SMURF2: variants seen among roughly 807,000 people sequenced by gnomAD.
The protein encoded by SMURF2 is E3 ubiquitin-protein ligase SMURF2.
A neutral mutation model predicts 109.6 loss-of-function variants in SMURF2; 48 were observed. That is an observed-to-expected ratio of 0.44 (90% CI 0.35 to 0.56). The LOEUF (loss-of-function observed/expected upper bound fraction) is 0.56. Among genes scored for constraint, SMURF2 ranks in the 20% least tolerant of loss-of-function variants. The probability of loss-of-function intolerance (pLI) is 0.01; values close to 1 mark genes in which losing one functional copy is unlikely to be tolerated. For missense variants in SMURF2, 575 were observed against 909.0 expected, an observed-to-expected ratio of 0.63 and a Z score of 4.72; for synonymous variants, 288 against 317.1, an observed-to-expected ratio of 0.91 and a Z score of 0.97.
chr17:64,661,936 C>A lies in SMURF2; in HGVS notation c.-56G>T, dbSNP rs1475381288. 15 of 1,149,042 alleles carry A rather than the reference C, an allele frequency of 1.3e-5. No individual in the cohort carries two copies. Among genetic ancestry groups the A allele is most frequent in the Non-Finnish European group, 1.6e-5 (15 of 935,550 alleles). The allele number at this position is 1,149,042 out of a possible 1,614,324, so 71.2% of individuals were successfully genotyped here. The stretch of plus-strand genomic sequence containing the variant: ...GGGCGGCACGGGGGCGACGGCGAGG[C>A]GCGGCGGAGTCACCACAGCGGCCGG... On this transcript the variant is annotated 5_prime_UTR_variant, in exon 1 of 19. Transcript: ENST00000262435.
At chr17:64,605,115 G>A (rs2144672991) in intron 2 of SMURF2, among the ~76,000 whole-genome samples, 1 of 152,060 alleles carries the variant, frequency 6.6e-6, no homozygotes, top group South Asian at 2.1e-4. Flanking sequence ...GAGGTAGGAA[G>A]TGAGCAGCAG....
At chr17:64,654,468 C>A (rs975960658) in intron 1 of SMURF2, among the ~76,000 whole-genome samples, 5 of 152,074 alleles carry the variant, frequency 3.3e-5, no homozygotes, top group Non-Finnish European at 5.9e-5. Flanking sequence ...GGAGAGAAAT[C>A]CGAGAGAAAA....
chr17:64,549,393 G>A (rs566286201), intron 16 of SMURF2, among the ~76,000 whole-genome samples: 1 of 151,732 alleles, frequency 6.6e-6, no homozygotes, highest in Admixed American at 6.6e-5. Context: ...CAGTGAGCTA[G>A]GATCATGGTA....
chr17:64,550,564 G>A (rs1315770931), intron 16 of SMURF2, among the ~76,000 whole-genome samples: 1 of 152,102 alleles, frequency 6.6e-6, no homozygotes, highest in African/African-American at 2.4e-5. Flanking sequence ...TGGATTATTT[G>A]AGGTCAGGAG....
chr17:64,644,787 G>A (rs1970538569), intron 1 of SMURF2, among the ~76,000 whole-genome samples: 1 of 151,626 alleles, frequency 6.6e-6, no homozygotes, highest in African/African-American at 2.4e-5. Context: ...TGGCGTGCCT[G>A]TGATCCCAGC....
At chr17:64,563,581 T>C (rs895286804) in intron 10 of SMURF2, among the ~76,000 whole-genome samples, 23 of 152,232 alleles carry the variant, frequency 1.5e-4, no homozygotes, top group African/African-American at 5.5e-4. Context: ...TTAAATGAAC[T>C]TGGGTATATT....
intron 2 of SMURF2, among the ~76,000 whole-genome samples, chr17:64,600,678 T>C (rs8074368): frequency 0.05 from 7,618 of 152,266 alleles, 318 homozygotes; most frequent in African/African-American, 0.11. Context: ...CTGAGTGCTA[T>C]GCATAGTATT....
intron 1 of SMURF2, among the ~76,000 whole-genome samples, chr17:64,654,918 C>T (rs1216396548): frequency 6.6e-6 from 1 of 151,872 alleles, no homozygotes; most frequent in Non-Finnish European, 1.5e-5. Flanking sequence ...CTCAAGTGAT[C>T]CTCCCATCTT....
intron 16 of SMURF2, among the ~76,000 whole-genome samples, chr17:64,550,907 C>A (rs1263962673): frequency 6.6e-6 from 1 of 151,920 alleles, no homozygotes; most frequent in African/African-American, 2.4e-5. Context: ...AAATAAATTT[C>A]AAAATGGTAG....
chr17:64,618,844 A>G (rs1303265146), intron 1 of SMURF2, among the ~76,000 whole-genome samples: 3 of 152,202 alleles, frequency 2.0e-5, no homozygotes, highest in Non-Finnish European at 4.4e-5. Flanking sequence ...AGACACTTAT[A>G]GAGGCAGTGT....
At chr17:64,579,083 A>G (rs1555686307) in intron 8 of SMURF2, among the ~76,000 whole-genome samples, 2 of 152,238 alleles carry the variant, frequency 1.3e-5, no homozygotes, top group Admixed American at 6.5e-5. Flanking sequence ...AACAGATGAG[A>G]TACTGGGGAG....
chr17:64,564,633 C>T (rs1969275530), intron 10 of SMURF2, among the ~76,000 whole-genome samples: 1 of 152,114 alleles, frequency 6.6e-6, no homozygotes, highest in African/African-American at 2.4e-5. Context: ...GGAAAGAAGA[C>T]TATGGGAGGA....
chr17:64,607,571 A>G (rs1969987310), intron 1 of SMURF2, among the ~76,000 whole-genome samples: 1 of 151,342 alleles, frequency 6.6e-6, no homozygotes, highest in South Asian at 2.1e-4. Flanking sequence ...GGTTGCAGTG[A>G]GCCAAGATTG....
rs1968895667 is a variant in SMURF2 at position 64,542,982 on chromosome 17, G to A, written c.*2866C>T. ...CTATGAGCTCTACAAAGGAATCTCT[G>A]TTCATAACTAAGCATTCATGATGGA... On this transcript the variant is annotated 3_prime_UTR_variant, in exon 19 of 19. Transcript: ENST00000262435. 6.6e-6 allele frequency: 1 copy of A among 152,062 alleles called. No homozygotes were observed. The highest frequency in any genetic ancestry group is 2.4e-5 in the African/African-American group (1 of 41,388). 9.4% of individuals were successfully genotyped at this position (152,062 alleles called of 1,614,324 possible). A position where few individuals can be genotyped will look rare whatever the true frequency, so the allele number is the denominator to read the frequency against.
chr17:64,595,835 A>ATT (rs1157798196), intron 3 of SMURF2, among the ~76,000 whole-genome samples: 1 of 152,066 alleles, frequency 6.6e-6, no homozygotes, highest in African/African-American at 2.4e-5. Flanking sequence ...GGTGGCCACA[A>ATT]TTTTTTTTAA....
chr17:64,608,067 T>A (rs1217638989), intron 1 of SMURF2, among the ~76,000 whole-genome samples: 2 of 151,016 alleles, frequency 1.3e-5, no homozygotes, highest in African/African-American at 4.9e-5. Flanking sequence ...AGTCATAAAC[T>A]TAAAACTTCT....
chr17:64,611,389 T>C (rs1970042540), intron 1 of SMURF2, among the ~76,000 whole-genome samples: 1 of 152,070 alleles, frequency 6.6e-6, no homozygotes, highest in Non-Finnish European at 1.5e-5. Context: ...CGATCCTTAG[T>C]TTTCTCCTGA....
chr17:64,578,369 T>C, intron 9 of SMURF2, 123 bp downstream of exon 9: 3 of 657,718 alleles, frequency 4.6e-6, no homozygotes, highest in Non-Finnish European at 5.3e-6. Flanking sequence ...CTGAAGTAAC[T>C]ATCAGAAGAG....
chr17:64,587,532 G>A (rs1301147143), intron 5 of SMURF2, among the ~76,000 whole-genome samples: 1 of 152,206 alleles, frequency 6.6e-6, no homozygotes, highest in South Asian at 2.1e-4. Context: ...AAGACAGAAG[G>A]AGGTGTAGTC....
Sources: gnomAD v4.1 joint callset for allele counts (sites outside exome capture counted in the v4.1 genomes callset) on GRCh38, gnomAD v4.1.1 for gene constraint, MANE v1.5 for transcripts, NCBI Gene and HGNC (gene_info 2026-07-23, HGNC 2026-07-21) for gene names.